COX6C: variants seen among roughly 807,000 people sequenced by gnomAD.
COX6C encodes cytochrome c oxidase subunit 6C.
In COX6C, 3 loss-of-function variants were observed where a neutral mutation model predicts 6.9. The observed-to-expected ratio is 0.43, with a 90% CI of 0.20 to 1.12. COX6C has a LOEUF of 1.12. Ranked by LOEUF, COX6C falls within the 50% of genes most tolerant of loss-of-function variation. COX6C has a pLI of 0.27. For missense variants in COX6C, 101 were observed against 97.3 expected, an observed-to-expected ratio of 1.04 and a Z score of -0.16; for synonymous variants, 32 against 32.0, an observed-to-expected ratio of 1.00 and a Z score of 0.00.
Position 99,890,483 on chromosome 8 carries a change from A to G in COX6C, c.114+1425T>C, listed in dbSNP as rs982355173. 5.3e-5 allele frequency among the ~76,000 whole-genome samples: 8 copies of G among 152,322 alleles called. No homozygotes were observed. In the South Asian group the frequency reaches 8.3e-4, roughly 16 times the overall value. On this transcript the variant is annotated intron_variant, in intron 2 of 3. Coordinates refer to ENST00000520468, the MANE Select transcript of COX6C (RefSeq NM_004374.4). ...TGTCCTCCAAAGCACTTGAAACTCTACATTACCCAACACTGTACTGAATTT... is the reference window on the plus strand; with the variant it reads ...TGTCCTCCAAAGCACTTGAAACTCTGCATTACCCAACACTGTACTGAATTT...
rs1818095397 is a variant in COX6C, at chr8:99,893,627, G to C, written c.-32+12C>G. 1 of 152,362 alleles carries C rather than the reference G, an allele frequency of 6.6e-6. No homozygotes were observed. Among genetic ancestry groups the C allele is most frequent in the Non-Finnish European group, 1.5e-5 (1 of 68,136 alleles). The allele number at this position is 152,362 out of a possible 1,614,324, so 9.4% of individuals were successfully genotyped here. A position where few individuals can be genotyped will look rare whatever the true frequency, so the allele number is the denominator to read the frequency against. ...AGTGTCGGGGTAGGGATGCAAAAGG[G>C]ACCGGACTCACCTCAACACCAACGT... On this transcript the variant is annotated intron_variant, in intron 1 of 3. Transcript: ENST00000520468.
chr8:99,879,595 A>C (rs1817827386), intron 3 of COX6C, among the ~76,000 whole-genome samples: 1 of 152,198 alleles, frequency 6.6e-6, no homozygotes, highest in Admixed American at 6.5e-5. Context: ...TTGAGCAGCA[A>C]CCAAAGGAAC....
chr8:99,892,303 G>A (rs559607856), intron 1 of COX6C, among the ~76,000 whole-genome samples: 1 of 152,082 alleles, frequency 6.6e-6, no homozygotes, highest in East Asian at 1.9e-4. Context: ...GCCTACAAGT[G>A]AGTTAAGAAA....
intron 1 of COX6C, among the ~76,000 whole-genome samples, chr8:99,892,699 G>A (rs1338218559): frequency 1.3e-5 from 2 of 148,688 alleles, no homozygotes; most frequent in Non-Finnish European, 3.0e-5. Flanking sequence ...CCCATATACT[G>A]AGCGACCACC....
chr8:99,892,490 A>G (rs1266105855), intron 1 of COX6C, among the ~76,000 whole-genome samples: 3 of 152,196 alleles, frequency 2.0e-5, no homozygotes, highest in Non-Finnish European at 2.9e-5. Flanking sequence ...TGCATACCTC[A>G]TGTAGCTCTC....
intron 3 of COX6C, among the ~76,000 whole-genome samples, chr8:99,881,767 A>G (rs1057327981): frequency 6.6e-6 from 1 of 152,248 alleles, no homozygotes; most frequent in Non-Finnish European, 1.5e-5. Flanking sequence ...ATTATCTTAA[A>G]TGTAAATGGA....
At chr8:99,887,673 C>A in intron 2 of COX6C, 55 bp from the exon 3 acceptor site, 1 of 1,200,070 alleles carries the variant, frequency 8.3e-7, no homozygotes, top group South Asian at 1.5e-5. Context: ...AAATTAGATT[C>A]CAGATTATAA....
In COX6C at chr8:99,891,821, C is replaced by T. The variant is rs554834344; in HGVS notation, c.114+87G>A. On this transcript the variant is annotated intron_variant, in intron 2 of 3. Transcript: ENST00000520468. ...GTGCAGAAAGGGTTAGAAAGAAACACATTACAAGGGGGAGTTTCTTTAAAA... is the reference window on the plus strand; with the variant it reads ...GTGCAGAAAGGGTTAGAAAGAAACATATTACAAGGGGGAGTTTCTTTAAAA... 273 of 1,132,806 alleles carry T rather than the reference C, an allele frequency of 2.4e-4. 1 individual carries two copies. In the African/African-American group the frequency reaches 3.8e-3, roughly 16 times the overall value. 70.2% of individuals were successfully genotyped at this position (1,132,806 alleles called of 1,614,324 possible). A position where few individuals can be genotyped will look rare whatever the true frequency, so the allele number is the denominator to read the frequency against.
intron 1 of COX6C, among the ~76,000 whole-genome samples, chr8:99,892,451 TG>T (rs2131013110): frequency 6.6e-6 from 1 of 152,340 alleles, no homozygotes; most frequent in African/African-American, 2.4e-5. Context: ...GGGGCGGCAC[TG>T]AAGTCCAATA....
chr8:99,889,316 G>A lies in COX6C; in HGVS notation c.115-1698C>T, dbSNP rs538418347. ...CCCTAACTTTTTTTTTTGAGACAAA[G>A]TCTGGCTCTATCGCCCAGCCTGGAG... On this transcript the variant is annotated intron_variant, in intron 2 of 3. Transcript: ENST00000520468. Among the ~76,000 whole-genome samples, 4 of 150,996 alleles carry A rather than the reference G, an allele frequency of 2.6e-5. No homozygotes were observed. In the East Asian group the frequency reaches 7.8e-4, roughly 30 times the overall value.
At chr8:99,883,297 T>C (rs1817892167) in intron 3 of COX6C, among the ~76,000 whole-genome samples, 1 of 151,992 alleles carries the variant, frequency 6.6e-6, no homozygotes, top group Non-Finnish European at 1.5e-5. Flanking sequence ...TTATGCAGCC[T>C]TAAACTCCTG....
In COX6C at chr8:99,889,699, T is replaced by C. The variant is rs1164929989; in HGVS notation, c.115-2081A>G. ...CACTGTACCTGGCCTCGCCTCCCAA[T>C]CTTGGCTGACACCTCTGCCTCCCAG... On this transcript the variant is annotated intron_variant, in intron 2 of 3. Transcript: ENST00000520468. 4.0e-5 allele frequency among the ~76,000 whole-genome samples: 6 copies of C among 151,146 alleles called. No individual in the cohort carries two copies. In the East Asian group the frequency reaches 1.2e-3, roughly 30 times the overall value.
At chr8:99,893,172 T>C (rs925715275) in intron 1 of COX6C, 1 of 152,256 alleles carries the variant, frequency 6.6e-6, no homozygotes, top group Non-Finnish European at 1.5e-5. Context: ...TTTCCAGCTC[T>C]AATTTAAAAC....
intron 3 of COX6C, among the ~76,000 whole-genome samples, chr8:99,880,488 G>A (rs1817845327): frequency 6.6e-6 from 1 of 152,108 alleles, no homozygotes; most frequent in African/African-American, 2.4e-5. Context: ...TGAATGGGGG[G>A]AGAAGGGGTC....
At chr8:99,886,572 C>T (rs899921552) in intron 3 of COX6C, among the ~76,000 whole-genome samples, 1 of 152,140 alleles carries the variant, frequency 6.6e-6, no homozygotes, top group African/African-American at 2.4e-5. Flanking sequence ...CCTAGGTTCA[C>T]AGCATCACTC....
At chr8:99,888,747 A>G (rs758286819) in intron 2 of COX6C, among the ~76,000 whole-genome samples, 1 of 152,264 alleles carries the variant, frequency 6.6e-6, no homozygotes, top group Non-Finnish European at 1.5e-5. Context: ...CTGAAAGGCC[A>G]GACTGTTGGA....
rs180769554 is a variant in COX6C at position 99,888,373 on chromosome 8, C to T, written c.115-755G>A. Among the ~76,000 whole-genome samples, 811 of 152,100 alleles carry T rather than the reference C, an allele frequency of 5.3e-3. 4 individuals are homozygous for T. The highest frequency in any genetic ancestry group is 9.1e-3 in the South Asian group (44 of 4,820). ...GAATCACAAGGTCAGGAATTGGAGA[C>T]CAGCCTGGCCAACATGATGAAACCC... On this transcript the variant is annotated intron_variant, in intron 2 of 3. Transcript: ENST00000520468.
Position 99,887,991 on chromosome 8 carries a change from T to TGA in COX6C, c.115-375_115-374dup, listed in dbSNP as rs917116946. On this transcript the variant is annotated intron_variant, in intron 2 of 3. Transcript: ENST00000520468. ...CTGTAGTCCCAGCTACTCGGGAGGC[T>TGA]GAGGCAGGAGAATGGCGTGAACCCG... 5.3e-5 allele frequency among the ~76,000 whole-genome samples: 8 copies of TGA among 151,360 alleles called. No individual in the cohort carries two copies. The South Asian group carries it at 1.0e-3, about 20-fold the overall frequency.
intron 3 of COX6C, among the ~76,000 whole-genome samples, chr8:99,879,146 T>C (rs1817813062): frequency 1.3e-5 from 2 of 152,120 alleles, no homozygotes; most frequent in African/African-American, 4.8e-5. Flanking sequence ...GATTCCAGAG[T>C]AGGAAGTCTC....
Sources: allele counts gnomAD v4.1 joint callset (sites outside exome capture counted in the v4.1 genomes callset), GRCh38; gene constraint gnomAD v4.1.1; transcripts MANE v1.5; gene names NCBI Gene and HGNC (gene_info 2026-07-23, HGNC 2026-07-21).